PLEKHG4: variants seen among roughly 807,000 people sequenced by gnomAD.
PLEKHG4 encodes pleckstrin homology and RhoGEF domain containing G4.
Under a neutral mutation model 136.9 loss-of-function variants are expected in PLEKHG4, and 85 were observed. The observed-to-expected ratio is 0.62, with a 90% CI of 0.52 to 0.74. The LOEUF (loss-of-function observed/expected upper bound fraction) is 0.74, where lower values mean the gene tolerates loss of function less well. Ranked by LOEUF, PLEKHG4 falls within the 30% of genes least tolerant of loss-of-function variation. PLEKHG4 has a pLI of 0.00. For synonymous variants in PLEKHG4, 577 were observed against 646.9 expected (o/e 0.89, Z 1.64); for missense variants, 1,317 against 1,527.8 (o/e 0.86, Z 2.30).
Position 67,281,000 on chromosome 16 carries a change from C to T in PLEKHG4, c.714C>T (p.Ile238=). 6.2e-7 allele frequency: 1 copy of T among 1,613,966 alleles called. No homozygotes were observed. Among genetic ancestry groups the T allele is most frequent in the Non-Finnish European group, 8.5e-7 (1 of 1,180,016 alleles). The change falls in exon 4 of 22, where the codon ATC becomes ATT. Residue 238 remains isoleucine (I), a synonymous_variant. Coordinates refer to ENST00000379344, the MANE Select transcript of PLEKHG4 (RefSeq NM_001129729.3). This position sits in a 1 kb window ranked among gnomAD's most constrained non-coding sequence, Gnocchi z 4.4. ...GCCTCCTGCTGTACCTGCGAAGCAT[C>T]CCCAGGTTTGAGGGAGGGGGTTGGG... is the stretch of plus-strand genomic sequence containing the variant. ...LIRLLLYLRS[I]PRPEVQALGL... is the part of the protein sequence containing the mutation.
intron 11 of PLEKHG4, 35 bp downstream of exon 11, chr16:67,282,893 G>GCATCCCAATACCCGT: frequency 7.0e-7 from 1 of 1,423,772 alleles, no homozygotes; most frequent in Non-Finnish European, 9.9e-7. Context: ...CACGGGTATT[G>GCATCCCAATACCCGT]GGATGCAATG....
Position 67,285,372 on chromosome 16 carries a change from C to T in PLEKHG4, c.2278C>T (p.Pro760Ser), listed in dbSNP as rs1023909362. Residue 760 changes from proline (P) to serine (S), a missense_variant, in exon 14 of 22, where the codon CCC becomes TCC. By Grantham distance (74) the Pro-to-Ser change is moderately conservative. Coordinates refer to ENST00000379344, the MANE Select transcript of PLEKHG4 (RefSeq NM_001129729.3). ...AGAGTACACTATGGAGAACTATTTC[C>T]CCGAGCTGGATCGCCCCGATGTGCC... ...ALEYTMENYF[P>S]ELDRPDVPQG... 3 of 1,614,098 alleles carry T rather than the reference C, an allele frequency of 1.9e-6. No homozygotes were observed. The highest frequency in any genetic ancestry group is 8.5e-7 in the Non-Finnish European group (1 of 1,180,052).
Position 67,280,745 on chromosome 16 carries a change from C to T in PLEKHG4, c.534C>T (p.Asp178=), listed in dbSNP as rs2036174422. The T allele has an allele frequency of 6.2e-7, 1 of 1,614,164 alleles. No homozygotes were observed. Among genetic ancestry groups the T allele is most frequent in the East Asian group, 2.2e-5 (1 of 44,888 alleles). Residue 178 remains aspartate, a synonymous_variant, in exon 3 of 22, where the codon GAC becomes GAT. Coordinates refer to ENST00000379344, the MANE Select transcript of PLEKHG4 (RefSeq NM_001129729.3). The surrounding 1 kb of genome is among the most constrained non-coding windows in gnomAD (Gnocchi z 4.4). The part of the protein sequence containing the change: ...PSGSGLPKPA[D]CLLAQDLCWE... ...GATCCGGCCTCCCTAAGCCTGCTGA[C>T]TGCCTCCTGGCCCAAGACCTCTGTT...
In PLEKHG4 at chr16:67,287,194, CCTT is replaced by C; in HGVS notation, c.3103+19_3103+21del. 1 of 1,602,270 alleles carries C rather than the reference CCTT, an allele frequency of 6.2e-7. No individual in the cohort carries two copies. On this transcript the variant is annotated intron_variant, in intron 18 of 21. Transcript: ENST00000379344. ...ACAACAAGGGTGGGTCCATGCCCCT[CCTT>C]CACGCCACACTCCCCTCACTGGAGA... is the stretch of plus-strand genomic sequence containing the variant.
chr16:67,288,440 G>A (rs769398024), intron 20 of PLEKHG4, 40 bp downstream of exon 20: 6 of 1,612,696 alleles, frequency 3.7e-6, no homozygotes, highest in Non-Finnish European at 5.1e-6. Flanking sequence ...GGCATGGCTT[G>A]GGGTCTGGGG....
At position 67,285,550 on chromosome 16, in the gene PLEKHG4, G is replaced by GC. The variant is rs1240804941; in HGVS notation, c.2442+16dup. 2 of 1,604,046 alleles carry GC rather than the reference G, an allele frequency of 1.2e-6. No individual in the cohort carries two copies. Among genetic ancestry groups the GC allele is most frequent in the Admixed American group, 3.3e-5 (2 of 60,020 alleles). ...TTCCTGCGCCATGTAAGCCCGACAG[G>GC]CCATGTGGTATCAGCTCGTTCTGCC... On this transcript the variant is annotated intron_variant, in intron 14 of 21. Transcript: ENST00000379344.
rs2036111270 is a variant in PLEKHG4 at position 67,279,547 on chromosome 16, C to T, written c.-249C>T. Reference sequence around the variant, plus strand: ...GCGGTGTCCCGTGACGCCGCGCGGCCGCGCTGTAGTGGCCGTCGAGGCCGC... The same window carrying T: ...GCGGTGTCCCGTGACGCCGCGCGGCTGCGCTGTAGTGGCCGTCGAGGCCGC... On this transcript the variant is annotated 5_prime_UTR_variant, in exon 1 of 22. Coordinates refer to ENST00000379344, the MANE Select transcript of PLEKHG4 (RefSeq NM_001129729.3). The T allele has an allele frequency of 6.6e-6, 1 of 152,026 alleles. No individual in the cohort carries two copies. The highest frequency in any genetic ancestry group is 2.4e-5 in the African/African-American group (1 of 41,406). 9.4% of individuals were successfully genotyped at this position (152,026 alleles called of 1,614,324 possible).
chr16:67,287,512 A>G, intron 18 of PLEKHG4: 1 of 492,136 alleles, frequency 2.0e-6, no homozygotes, highest in South Asian at 2.1e-5. Context: ...CATTCTTCCC[A>G]CCTAAGCCTC....
chr16:67,282,830 CT>C lies in PLEKHG4; in HGVS notation c.1485del (p.Gln496ArgfsTer21). On this transcript the variant is annotated frameshift_variant, in exon 11 of 22. Coordinates refer to ENST00000379344, the MANE Select transcript of PLEKHG4 (RefSeq NM_001129729.3). LOFTEE classifies it high-confidence loss of function. ...SLDMLLQAQGSFQELYQVAQE... is the reference protein window; with the variant it reads ...SLDMLLQAQGXFQELYQVAQE... The stretch of plus-strand genomic sequence containing the variant: ...GACATGCTGCTCCAGGCCCAAGGCT[CT>C]TTTCAGGAGCTGTACCAGGTTGCCC... 6.2e-7 allele frequency: 1 copy of C among 1,613,392 alleles called. No individual in the cohort carries two copies. The highest frequency in any genetic ancestry group is 8.5e-7 in the Non-Finnish European group (1 of 1,179,996).
intron 7 of PLEKHG4, 40 bp downstream of exon 7, chr16:67,281,877 C>A (rs1433714586): frequency 6.4e-7 from 1 of 1,572,664 alleles, no homozygotes; most frequent in South Asian, 1.1e-5. Flanking sequence ...GTCATATAGG[C>A]AACTTGGGAT....
rs1240141848 is a variant in PLEKHG4, at chr16:67,280,357, C to T, written c.313C>T (p.Leu105Phe). ...EGPGPSGVES[L>F]LCPMSSHLSL... is the part of the protein sequence containing the mutation. ...GCCAGGCCCCTCTGGAGTGGAGAGT[C>T]TCCTATGCCCCATGTCCTCCCACCT... is the stretch of plus-strand genomic sequence containing the variant. Residue 105 changes from leucine (L) to phenylalanine (F), a missense_variant, in exon 2 of 22, where the codon CTC (leucine) becomes TTC (phenylalanine). Transcript: ENST00000379344. The surrounding 1 kb of genome is among the most constrained non-coding windows in gnomAD (Gnocchi z 4.4). The T allele has an allele frequency of 6.2e-7, 1 of 1,613,434 alleles. No individual in the cohort carries two copies. Among genetic ancestry groups the T allele is most frequent in the South Asian group, 1.1e-5 (1 of 91,072 alleles).
In PLEKHG4 at chr16:67,285,070, CAG is replaced by C. The variant is rs1267636359; in HGVS notation, c.2053_2054del (p.Leu686GlnfsTer2). The C allele has an allele frequency of 1.9e-6, 3 of 1,613,348 alleles. No homozygotes were observed. The highest frequency in any genetic ancestry group is 1.1e-5 in the South Asian group (1 of 91,090). On this transcript the variant is annotated frameshift_variant, in exon 13 of 22. Transcript: ENST00000379344. LOFTEE classifies it high-confidence loss of function. ...CTACAGCTTCGATCGGAATCTGGGG[CAG>C]AGTCTCAGTGAACCTGCCTGCCACT... ...KAYSFDRNLG[Q>X]SLSEPACHCH...
At chr16:67,283,230 G>A (rs1424120184) in intron 11 of PLEKHG4, among the ~76,000 whole-genome samples, 2 of 152,102 alleles carry the variant, frequency 1.3e-5, no homozygotes, top group Non-Finnish European at 2.9e-5. Flanking sequence ...AAGGTCCTGT[G>A]GCAGGATGGA....
Position 67,284,592 on chromosome 16 carries a change from C to T in PLEKHG4, c.1693-121C>T, listed in dbSNP as rs2036378087. 2.0e-6 allele frequency: 3 copies of T among 1,479,692 alleles called. No homozygotes were observed. Among genetic ancestry groups the T allele is most frequent in the Non-Finnish European group, 1.9e-6 (2 of 1,076,636 alleles). The allele number at this position is 1,479,692 out of a possible 1,614,324, so 91.7% of individuals were successfully genotyped here. On this transcript the variant is annotated intron_variant, in intron 12 of 21. Transcript: ENST00000379344. This position sits in a 1 kb window ranked among gnomAD's most constrained non-coding sequence, Gnocchi z 4.4. ...TGGTCTTCAGTTTGACCCTAAAACCCAGTCACTGGGGCTGTGTCCTGGACA... is the reference window on the plus strand; with the variant it reads ...TGGTCTTCAGTTTGACCCTAAAACCTAGTCACTGGGGCTGTGTCCTGGACA...
At chr16:67,281,485 C>A in intron 5 of PLEKHG4, 82 bp from the exon 6 acceptor site, 1 of 1,209,018 alleles carries the variant, frequency 8.3e-7, no homozygotes, top group Non-Finnish European at 1.2e-6. Flanking sequence ...CCTCGCCTCC[C>A]AGAGTGCCGC....
intron 14 of PLEKHG4, 67 bp downstream of exon 14, chr16:67,285,603 T>C: frequency 6.4e-7 from 1 of 1,563,994 alleles, no homozygotes; most frequent in Non-Finnish European, 8.7e-7. Context: ...GCTGGGCACA[T>C]GCTTGGTGCC....
At chr16:67,288,078 C>T in intron 19 of PLEKHG4, 64 bp downstream of exon 19, 2 of 1,516,134 alleles carry the variant, frequency 1.3e-6, no homozygotes, top group Non-Finnish European at 1.8e-6. Flanking sequence ...GCACTGTGGC[C>T]CTCCATTAGT....
In PLEKHG4 at chr16:67,280,164, G is replaced by A. The variant is rs1383213608; in HGVS notation, c.120G>A (p.Gln40=). The A allele has an allele frequency of 1.9e-6, 3 of 1,613,804 alleles. No homozygotes were observed. The highest frequency in any genetic ancestry group is 8.5e-7 in the Non-Finnish European group (1 of 1,179,996). ...GGGAAGAGGAGGAACCTGCTTCCCA[G>A]ATGCACGTTAAGGACCCAGGTCCTC... ...DAWEEEEPAS[Q]MHVKDPGPPR... The change falls in exon 2 of 22, where the codon CAG becomes CAA. Residue 40 remains glutamine, a synonymous_variant. Transcript: ENST00000379344. This position sits in a 1 kb window ranked among gnomAD's most constrained non-coding sequence, Gnocchi z 4.4.
chr16:67,288,496 G>A lies in PLEKHG4; in HGVS notation c.3462G>A (p.Glu1154=). The A allele has an allele frequency of 1.2e-6, 2 of 1,614,206 alleles. No individual in the cohort carries two copies. Among genetic ancestry groups the A allele is most frequent in the Non-Finnish European group, 1.7e-6 (2 of 1,180,026 alleles). ...ELGGQPSLTA[E]DSEISSQCPS... ...CCCAGTCTCCCTCCCTAGCTGCTGA[G>A]GACTCAGAGATCTCGTCCCAATGCC... Residue 1154 remains glutamate, a synonymous_variant, in exon 21 of 22, where the codon GAG becomes GAA. Coordinates refer to ENST00000379344, the MANE Select transcript of PLEKHG4 (RefSeq NM_001129729.3).
Sources: gnomAD v4.1 joint callset for allele counts (sites outside exome capture counted in the v4.1 genomes callset) on GRCh38, gnomAD v4.1.1 for gene constraint, Gnocchi (gnomAD v3.1) non-coding constraint, MANE v1.5 for transcripts, NCBI Gene and HGNC (gene_info 2026-07-23, HGNC 2026-07-21) for gene names.